The following LRP1B variants were observed in gnomAD, a reference collection of about 807,000 sequenced individuals.
LRP1B encodes low-density lipoprotein receptor-related protein 1B.
LRP1B carries 217 observed loss-of-function variants against 556.6 expected under a neutral mutation model. That is an observed-to-expected ratio of 0.39 (90% CI 0.35 to 0.44). The LOEUF (loss-of-function observed/expected upper bound fraction) is 0.44, where lower values mean the gene tolerates loss of function less well. LRP1B is among the 20% of genes least tolerant of loss of function. The pLI is 1.00. For missense variants in LRP1B, 5,053 were observed against 5,620.8 expected, an observed-to-expected ratio of 0.90 and a Z score of 3.23; for synonymous variants, 2,047 against 1,865.8, an observed-to-expected ratio of 1.10 and a Z score of -2.50.
intron 83 of LRP1B, among the ~76,000 whole-genome samples, chr2:140,299,762 C>T (rs1220318599): frequency 6.6e-6 from 1 of 151,912 alleles, no homozygotes; most frequent in Non-Finnish European, 1.5e-5. Flanking sequence ...TCTTCAATTA[C>T]AGTCAATGGA....
chr2:140,306,661 C>T (rs1266971586), intron 83 of LRP1B, among the ~76,000 whole-genome samples: 2 of 151,642 alleles, frequency 1.3e-5, no homozygotes, highest in Non-Finnish European at 2.9e-5. Context: ...TCTCCTTCAG[C>T]TCTGCTCTGA....
chr2:140,789,147 T>C (rs1235126298), intron 32 of LRP1B, among the ~76,000 whole-genome samples: 4 of 152,162 alleles, frequency 2.6e-5, no homozygotes, highest in Non-Finnish European at 2.9e-5. Flanking sequence ...GATAAAGTAC[T>C]GTAGAAAATA....
At chr2:141,374,163 C>T (rs1376474485) in intron 3 of LRP1B, among the ~76,000 whole-genome samples, 9 of 152,000 alleles carry the variant, frequency 5.9e-5, no homozygotes, top group Admixed American at 5.2e-4. Flanking sequence ...CACTGTATTT[C>T]CTTTAGTGTT....
intron 32 of LRP1B, among the ~76,000 whole-genome samples, chr2:140,777,325 C>T (rs1689532850): frequency 6.6e-6 from 1 of 152,186 alleles, no homozygotes; most frequent in African/African-American, 2.4e-5. Flanking sequence ...AAATAACTAG[C>T]CACAGCTCTT....
chr2:141,996,119 G>C (rs1702482345), intron 1 of LRP1B, among the ~76,000 whole-genome samples: 1 of 151,916 alleles, frequency 6.6e-6, no homozygotes. Context: ...TGGCATGGTG[G>C]CGGGCGCCTG....
chr2:140,529,249 T>C (rs1349404820), intron 47 of LRP1B, among the ~76,000 whole-genome samples: 1 of 152,070 alleles, frequency 6.6e-6, no homozygotes, highest in Non-Finnish European at 1.5e-5. Context: ...CTCTCTAATA[T>C]ACTTTAATTT....
rs527969510 is a variant in LRP1B at position 141,980,961 on chromosome 2, T to A, written c.82+149687A>T. 5.9e-5 allele frequency among the ~76,000 whole-genome samples: 9 copies of A among 152,116 alleles called. 1 individual carries two copies. The highest frequency in any genetic ancestry group is 2.1e-4 in the South Asian group (1 of 4,820). On this transcript the variant is annotated intron_variant, in intron 1 of 90. Transcript: ENST00000389484. ...GTTTCCTTCTCTCTGAAAAAAAAAATACCAATTTATGCAGGCAAATATTCG... is the reference window on the plus strand; with the variant it reads ...GTTTCCTTCTCTCTGAAAAAAAAAAAACCAATTTATGCAGGCAAATATTCG...
chr2:141,809,125 A>T (rs966188257), intron 2 of LRP1B, among the ~76,000 whole-genome samples: 3 of 152,120 alleles, frequency 2.0e-5, no homozygotes, highest in Non-Finnish European at 4.4e-5. Flanking sequence ...TGCAGCAGTA[A>T]ATGACTATAA....
At chr2:141,844,226 G>A (rs1394360171) in intron 1 of LRP1B, among the ~76,000 whole-genome samples, 2 of 152,062 alleles carry the variant, frequency 1.3e-5, no homozygotes, top group Non-Finnish European at 2.9e-5. Context: ...TTCAGGCACA[G>A]GTTAAATTTT....
At chr2:141,042,725 G>C (rs1027561272) in intron 11 of LRP1B, among the ~76,000 whole-genome samples, 2 of 151,964 alleles carry the variant, frequency 1.3e-5, no homozygotes, top group Non-Finnish European at 2.9e-5. Context: ...GAGCAATCTT[G>C]ATACAGAGTA....
intron 3 of LRP1B, among the ~76,000 whole-genome samples, chr2:141,309,780 C>T (rs1439591862): frequency 6.6e-6 from 1 of 151,990 alleles, no homozygotes; most frequent in African/African-American, 2.4e-5. Flanking sequence ...CACCAAGGCA[C>T]AGGTATAACT....
chr2:141,329,252 G>A (rs1308528606), intron 3 of LRP1B, among the ~76,000 whole-genome samples: 1 of 151,558 alleles, frequency 6.6e-6, no homozygotes, highest in African/African-American at 2.4e-5. Context: ...GCTGGGTATG[G>A]TGGCAGGCTC....
chr2:140,310,959 A>T (rs1684271502), intron 83 of LRP1B, among the ~76,000 whole-genome samples: 1 of 151,846 alleles, frequency 6.6e-6, no homozygotes. Flanking sequence ...AGAGAAATAT[A>T]AATAAAAATC....
In LRP1B at chr2:140,897,923, G is replaced by A. The variant is rs537017780; in HGVS notation, c.3766+4997C>T. 2.0e-4 allele frequency among the ~76,000 whole-genome samples: 31 copies of A among 152,254 alleles called. 1 individual carries two copies. Among genetic ancestry groups the A allele is most frequent in the African/African-American group, 7.5e-4 (31 of 41,556 alleles). ...GTGGGACTTCACCCTATGATTGTGTGAGTCTGTTCTCCTAATAAACCCCAC... is the reference window on the plus strand; with the variant it reads ...GTGGGACTTCACCCTATGATTGTGTAAGTCTGTTCTCCTAATAAACCCCAC... On this transcript the variant is annotated intron_variant, in intron 23 of 90. Coordinates refer to ENST00000389484, the MANE Select transcript of LRP1B (RefSeq NM_018557.3).
At chr2:140,479,433 C>G (rs1256453526) in intron 59 of LRP1B, among the ~76,000 whole-genome samples, 1 of 152,048 alleles carries the variant, frequency 6.6e-6, no homozygotes, top group East Asian at 1.9e-4. Context: ...AAAATTTCAG[C>G]CCCAAATAGT....
chr2:140,424,096 T>A (rs1483264146), intron 66 of LRP1B, among the ~76,000 whole-genome samples: 1 of 152,132 alleles, frequency 6.6e-6, no homozygotes, highest in Non-Finnish European at 1.5e-5. Context: ...TGAAACATAT[T>A]CATTGTGGAA....
intron 2 of LRP1B, among the ~76,000 whole-genome samples, chr2:141,682,935 A>G (rs1691156420): frequency 6.6e-6 from 1 of 152,128 alleles, no homozygotes; most frequent in Non-Finnish European, 1.5e-5. Context: ...GGTGCATAGC[A>G]TCTACTTATA....
chr2:140,353,232 A>G (rs1276840557), intron 75 of LRP1B, among the ~76,000 whole-genome samples, 160 bp from the exon 76 acceptor site: 1 of 152,174 alleles, frequency 6.6e-6, no homozygotes, highest in Non-Finnish European at 1.5e-5. Context: ...TTTTGAAGGT[A>G]TAATCATTTT....
At chr2:141,036,237 A>T (rs554982137) in intron 11 of LRP1B, among the ~76,000 whole-genome samples, 16 of 151,360 alleles carry the variant, frequency 1.1e-4, no homozygotes, top group African/African-American at 2.2e-4. Context: ...ATAGCAGATT[A>T]AAAAAAAAGC....
Sources: allele counts gnomAD v4.1 joint callset (sites outside exome capture counted in the v4.1 genomes callset), GRCh38; gene constraint gnomAD v4.1.1; transcripts MANE v1.5; gene names NCBI Gene and HGNC (gene_info 2026-07-23, HGNC 2026-07-21).